Variants in NLGN1 observed in about 807,000 individuals in gnomAD.
The protein encoded by NLGN1 is neuroligin 1.
Under a neutral mutation model 65.5 loss-of-function variants are expected in NLGN1, and 12 were observed. That is an observed-to-expected ratio of 0.18 (90% CI 0.12 to 0.30). The LOEUF is 0.30. NLGN1 is among the 10% of genes least tolerant of loss of function. The pLI is 1.00. For synonymous variants in NLGN1, 350 were observed against 359.5 expected (o/e 0.97, Z 0.30); for missense variants, 750 against 1,007.1 (o/e 0.74, Z 3.46).
In NLGN1 at chr3:174,279,208, G is replaced by A. The variant is rs371578371; in HGVS notation, c.1207G>A (p.Asp403Asn). Residue 403 changes from aspartate to asparagine, a missense_variant, in exon 6 of 7, where the codon GAT (aspartate) becomes AAT (asparagine). Physicochemically the swap from Asp to Asn is conservative, Grantham distance 23. Transcript: ENST00000457714. The surrounding 1 kb of genome is among the most constrained non-coding windows in gnomAD (Gnocchi z 4.7). ...ATTTGTTGAAAATATAGTAGATAGC[G>A]ATGATGGTATATCAGCTAGTGATTT... 13 of 1,613,270 alleles carry A rather than the reference G, an allele frequency of 8.1e-6. No homozygotes were observed. Among genetic ancestry groups the A allele is most frequent in the Admixed American group, 3.3e-5 (2 of 59,902 alleles).
chr3:174,165,739 C>T (rs1031820404), intron 4 of NLGN1, among the ~76,000 whole-genome samples: 1 of 151,962 alleles, frequency 6.6e-6, no homozygotes, highest in Non-Finnish European at 1.5e-5. Flanking sequence ...AGACTCTACT[C>T]CTCAAGTTTC....
chr3:174,101,723 G>C (rs1456534690), intron 4 of NLGN1, among the ~76,000 whole-genome samples: 2 of 152,108 alleles, frequency 1.3e-5, no homozygotes, highest in Admixed American at 6.6e-5. Context: ...CCACACTATA[G>C]ATTCATAATA....
chr3:174,277,456 T>G (rs1750795180), intron 5 of NLGN1, among the ~76,000 whole-genome samples: 1 of 151,950 alleles, frequency 6.6e-6, no homozygotes, highest in South Asian at 2.1e-4. Flanking sequence ...TTCGGTATAT[T>G]TAGTTAATGT....
chr3:173,649,591 T>C (rs1326129892), intron 3 of NLGN1, among the ~76,000 whole-genome samples: 2 of 152,134 alleles, frequency 1.3e-5, no homozygotes, highest in Non-Finnish European at 2.9e-5. Context: ...CCTCCTAGTG[T>C]TCTCCTTTTC....
At chr3:174,177,331 T>G (rs898267960) in intron 4 of NLGN1, among the ~76,000 whole-genome samples, 11 of 152,058 alleles carry the variant, frequency 7.2e-5, no homozygotes, top group African/African-American at 2.7e-4. Context: ...ACTTATTTCA[T>G]GAGCTTTGAA....
intron 2 of NLGN1, among the ~76,000 whole-genome samples, chr3:173,437,098 G>C (rs983801417): frequency 6.6e-6 from 1 of 152,196 alleles, no homozygotes; most frequent in African/African-American, 2.4e-5. Context: ...ACATTTGACT[G>C]TCAAGATTCC....
At chr3:173,960,403 T>A (rs1713251108) in intron 4 of NLGN1, among the ~76,000 whole-genome samples, 1 of 152,040 alleles carries the variant, frequency 6.6e-6, no homozygotes, top group Non-Finnish European at 1.5e-5. Flanking sequence ...TCTACTAATA[T>A]CTAAGTGGAA....
At chr3:173,989,029 T>G (rs1234203016) in intron 4 of NLGN1, among the ~76,000 whole-genome samples, 1 of 152,192 alleles carries the variant, frequency 6.6e-6, no homozygotes, top group Non-Finnish European at 1.5e-5. Context: ...ATAATTTTGA[T>G]GAGTTGACAC....
chr3:173,970,504 G>A (rs546990584), intron 4 of NLGN1, among the ~76,000 whole-genome samples: 1 of 152,098 alleles, frequency 6.6e-6, no homozygotes, highest in African/African-American at 2.4e-5. Flanking sequence ...AAGTAGGAAG[G>A]GATGTGGAAG....
At chr3:173,830,010 G>GGGT (rs1553863539) in intron 4 of NLGN1, among the ~76,000 whole-genome samples, 1 of 139,338 alleles carries the variant, frequency 7.2e-6, no homozygotes, top group Non-Finnish European at 1.5e-5. Context: ...GGTAGTGTGG[G>GGGT]GGGGGGAGGG....
At chr3:173,574,079 A>G (rs994228544) in intron 2 of NLGN1, among the ~76,000 whole-genome samples, 7 of 150,818 alleles carry the variant, frequency 4.6e-5, no homozygotes, top group South Asian at 2.1e-4. Flanking sequence ...AAAAAAAAAA[A>G]AAAAGAAAAA....
chr3:173,974,733 A>T (rs948781296), intron 4 of NLGN1, among the ~76,000 whole-genome samples: 1 of 152,034 alleles, frequency 6.6e-6, no homozygotes, highest in Admixed American at 6.6e-5. Flanking sequence ...AAAGATAGGA[A>T]TGTTTTGCTT....
intron 4 of NLGN1, among the ~76,000 whole-genome samples, chr3:173,849,123 G>A (rs959149602): frequency 9.9e-5 from 15 of 151,974 alleles, no homozygotes; most frequent in East Asian, 3.8e-4. Context: ...TAAGCTTTGC[G>A]ATAACTACCA....
chr3:173,820,515 C>T (rs1720072288), intron 4 of NLGN1, among the ~76,000 whole-genome samples: 1 of 152,160 alleles, frequency 6.6e-6, no homozygotes, highest in East Asian at 1.9e-4. Flanking sequence ...CGCTCAGTGA[C>T]TCTCTATAAC....
At chr3:174,089,087 GA>G (rs1208589132) in intron 4 of NLGN1, among the ~76,000 whole-genome samples, 1 of 152,042 alleles carries the variant, frequency 6.6e-6, no homozygotes, top group Non-Finnish European at 1.5e-5. Context: ...ATTACAAAAG[GA>G]AAAATGAAAA....
chr3:173,466,390 G>A lies in NLGN1; in HGVS notation c.-321+31312G>A, dbSNP rs544182578. Among the ~76,000 whole-genome samples the A allele has an allele frequency of 5.9e-5, 9 of 152,258 alleles. No homozygotes were observed. In the South Asian group the frequency reaches 1.9e-3, roughly 32 times the overall value. Reference sequence around the variant, plus strand: ...ATAAAAAATAAAAAGCCCTGATAGAGTATTTGAGGAGTTCCTAGTTGTAAA... The same window carrying A: ...ATAAAAAATAAAAAGCCCTGATAGAATATTTGAGGAGTTCCTAGTTGTAAA... On this transcript the variant is annotated intron_variant, in intron 2 of 6. Transcript: ENST00000457714.
At chr3:173,426,210 T>G (rs535590964) in intron 1 of NLGN1, among the ~76,000 whole-genome samples, 1 of 152,292 alleles carries the variant, frequency 6.6e-6, no homozygotes, top group African/African-American at 2.4e-5. Context: ...TGAATTAGTT[T>G]GTTAGTTCTA....
chr3:173,658,682 C>G (rs1760457205), intron 3 of NLGN1, among the ~76,000 whole-genome samples: 1 of 151,970 alleles, frequency 6.6e-6, no homozygotes, highest in African/African-American at 2.4e-5. Flanking sequence ...TGCTTCTAAA[C>G]TAAGACTTCC....
At chr3:174,056,919 T>A (rs1038589911) in intron 4 of NLGN1, among the ~76,000 whole-genome samples, 1 of 149,148 alleles carries the variant, frequency 6.7e-6, no homozygotes, top group African/African-American at 2.6e-5. Flanking sequence ...TATATATATA[T>A]TTTTTTTCAT....
Sources: gnomAD v4.1 joint callset for allele counts (sites outside exome capture counted in the v4.1 genomes callset) on GRCh38, gnomAD v4.1.1 for gene constraint, Gnocchi (gnomAD v3.1) non-coding constraint, MANE v1.5 for transcripts, NCBI Gene and HGNC (gene_info 2026-07-23, HGNC 2026-07-21) for gene names.